Variants in CELF2 observed in about 807,000 individuals in gnomAD.
CELF2 encodes CUG triplet repeat RNA-binding protein 2.
In CELF2, 8 loss-of-function variants were observed where a neutral mutation model predicts 62.6. The ratio of observed to expected loss-of-function variants is 0.13; its 90% CI spans 0.07 to 0.23. The LOEUF (loss-of-function observed/expected upper bound fraction) is 0.23. Ranked by LOEUF, CELF2 falls within the 10% of genes least tolerant of loss-of-function variation. The pLI is 1.00. For synonymous variants in CELF2, 258 were observed against 250.0 expected (o/e 1.03, Z -0.30); for missense variants, 333 against 671.0 (o/e 0.50, Z 5.56).
chr10:10,525,267 C>A, the CELF2 span, among the ~76,000 whole-genome samples: 2 of 152,302 alleles, frequency 1.3e-5, no homozygotes, highest in South Asian at 4.1e-4. Flanking sequence ...ATACCCTAGA[C>A]CAAGCCTGTC....
intron 1 of CELF2, among the ~76,000 whole-genome samples, chr10:11,091,788 C>T (rs1048163094): frequency 6.6e-6 from 1 of 152,170 alleles, no homozygotes; most frequent in Non-Finnish European, 1.5e-5. Flanking sequence ...CATGAACTTA[C>T]CACTGTCAAA....
At chr10:11,057,654 C>A (rs1325058316) in intron 1 of CELF2, among the ~76,000 whole-genome samples, 1 of 151,800 alleles carries the variant, frequency 6.6e-6, no homozygotes, top group Non-Finnish European at 1.5e-5. Flanking sequence ...TCTTTTTTTC[C>A]CCCCGATGAA....
chr10:10,631,803 G>A, the CELF2 span, among the ~76,000 whole-genome samples: 1 of 152,122 alleles, frequency 6.6e-6, no homozygotes, highest in Admixed American at 6.5e-5. Flanking sequence ...TGTAAGATAA[G>A]AAAATGGGAA....
At position 11,256,956 on chromosome 10, in the gene CELF2, AT is replaced by A. The variant is rs1589976824; in HGVS notation, c.404-779del. Among the ~76,000 whole-genome samples the A allele has an allele frequency of 2.0e-5, 3 of 151,584 alleles. No homozygotes were observed. In the East Asian group the frequency reaches 5.8e-4, roughly 29 times the overall value. On this transcript the variant is annotated intron_variant, in intron 4 of 12. Coordinates refer to ENST00000633077, the MANE Select transcript of CELF2 (RefSeq NM_001326342.2). ...GTACAGTATTGTTTCCTTCTTGATC[AT>A]TTGTGAAGGGCTGGAAGCTCGGGGC...
At chr10:10,558,188 T>C in the CELF2 span, among the ~76,000 whole-genome samples, 1 of 152,236 alleles carries the variant, frequency 6.6e-6, no homozygotes, top group South Asian at 2.1e-4. Flanking sequence ...AGATAGCTCT[T>C]ATTATTTTGA....
At chr10:10,888,285 C>T (rs1464866772) in intron 1 of CELF2, among the ~76,000 whole-genome samples, 1 of 152,194 alleles carries the variant, frequency 6.6e-6, no homozygotes, top group African/African-American at 2.4e-5. Flanking sequence ...TTACTGGACA[C>T]ATTCTGAAGG....
chr10:10,917,920 T>A (rs1338659690), intron 1 of CELF2: 1 of 152,194 alleles, frequency 6.6e-6, no homozygotes, highest in Admixed American at 6.5e-5. Flanking sequence ...TTTTAAAAGA[T>A]CCCAGGAGAC....
At chr10:10,659,457 C>T in the CELF2 span, among the ~76,000 whole-genome samples, 3 of 152,168 alleles carry the variant, frequency 2.0e-5, no homozygotes, top group South Asian at 2.1e-4. Flanking sequence ...TCAAAACTCT[C>T]GAAAGCAAGA....
At chr10:10,797,118 TC>T (rs1321153866), upstream of CELF2, among the ~76,000 whole-genome samples, 7 of 152,254 alleles carry the variant, frequency 4.6e-5, no homozygotes, top group African/African-American at 1.7e-4. Context: ...GGCAAAAACT[TC>T]CTGACAGTAA....
chr10:10,797,065 T>C (rs2054181970), upstream of CELF2, among the ~76,000 whole-genome samples: 1 of 152,198 alleles, frequency 6.6e-6, no homozygotes, highest in African/African-American at 2.4e-5. Context: ...GAGAACAGGC[T>C]GGTAAGAAAG....
the CELF2 span, among the ~76,000 whole-genome samples, chr10:10,530,843 T>C: frequency 2.0e-5 from 3 of 152,234 alleles, no homozygotes; most frequent in Admixed American, 6.5e-5. Flanking sequence ...TTTGGTACTT[T>C]TTAAATTTTA....
Position 11,165,230 on chromosome 10 carries a change from G to T in CELF2, c.75-256G>T. The T allele has an allele frequency of 1.5e-6, 2 of 1,321,276 alleles. No homozygotes were observed. The highest frequency in any genetic ancestry group is 1.9e-6 in the Non-Finnish European group (2 of 1,032,794). The allele number at this position is 1,321,276 out of a possible 1,614,324, so 81.8% of individuals were successfully genotyped here. Reference sequence around the variant, plus strand: ...CAAGATGTCCACGCCCTGGGTGACAGGCGGCAGGGCGCTGCCCCGTGCTCC... The same window carrying T: ...CAAGATGTCCACGCCCTGGGTGACATGCGGCAGGGCGCTGCCCCGTGCTCC... On this transcript the variant is annotated intron_variant, in intron 1 of 12. Coordinates refer to ENST00000633077, the MANE Select transcript of CELF2 (RefSeq NM_001326342.2). This position sits in a 1 kb window ranked among gnomAD's most constrained non-coding sequence, Gnocchi z 7.4.
intron 2 of CELF2, chr10:10,970,902 T>C (rs932341027): frequency 6.6e-6 from 1 of 151,856 alleles, no homozygotes; most frequent in Non-Finnish European, 1.5e-5. Flanking sequence ...TAAGTTGAGA[T>C]ATAGAAAGTC....
the CELF2 span, among the ~76,000 whole-genome samples, chr10:10,695,499 C>T: frequency 6.6e-6 from 1 of 150,876 alleles, no homozygotes; most frequent in Non-Finnish European, 1.5e-5. Flanking sequence ...AGTTGCTCTT[C>T]TCGAGGAGTA....
At chr10:11,118,843 A>C (rs901200511) in intron 1 of CELF2, among the ~76,000 whole-genome samples, 1 of 152,226 alleles carries the variant, frequency 6.6e-6, no homozygotes, top group Non-Finnish European at 1.5e-5. Flanking sequence ...GGAGGTCAGC[A>C]ACCCCCAGTT....
intron 2 of CELF2, among the ~76,000 whole-genome samples, chr10:11,186,319 T>G (rs12767388): frequency 6.6e-6 from 1 of 151,196 alleles, no homozygotes; most frequent in Non-Finnish European, 1.5e-5. Flanking sequence ...TTTTTCTATT[T>G]CTTTGGCTTT....
chr10:10,769,935 A>G, the CELF2 span, among the ~76,000 whole-genome samples: 1 of 152,166 alleles, frequency 6.6e-6, no homozygotes, highest in African/African-American at 2.4e-5. Flanking sequence ...TAATTGCTGT[A>G]CCACTGGAGT....
At chr10:10,813,931 C>T (rs1471154018) in intron 1 of CELF2, among the ~76,000 whole-genome samples, 1 of 152,128 alleles carries the variant, frequency 6.6e-6, no homozygotes, top group Non-Finnish European at 1.5e-5. Flanking sequence ...CTGAGCTAAG[C>T]TGTCCTGGGC....
At chr10:10,572,349 T>G in the CELF2 span, among the ~76,000 whole-genome samples, 1 of 99,282 alleles carries the variant, frequency 1.0e-5, no homozygotes, top group African/African-American at 3.2e-5. Context: ...TTTTTTTTAA[T>G]TTTTCTTTTT....
Sources: allele counts gnomAD v4.1 joint callset (sites outside exome capture counted in the v4.1 genomes callset), GRCh38; gene constraint gnomAD v4.1.1; non-coding constraint Gnocchi (gnomAD v3.1); transcripts MANE v1.5; gene names NCBI Gene and HGNC (gene_info 2026-07-23, HGNC 2026-07-21).